Variants in MYO1E observed in about 807,000 individuals in gnomAD.
MYO1E encodes myosin IE.
In MYO1E, 68 loss-of-function variants were observed where a neutral mutation model predicts 151.1. The observed-to-expected ratio is 0.45, with a 90% CI of 0.37 to 0.55. MYO1E has a LOEUF of 0.55. MYO1E is among the 20% of genes least tolerant of loss of function. The pLI is 0.00. For synonymous variants in MYO1E, 601 were observed against 501.7 expected, an observed-to-expected ratio of 1.20 and a Z score of -2.64; for missense variants, 1,363 against 1,389.3, an observed-to-expected ratio of 0.98 and a Z score of 0.30.
intron 18 of MYO1E, among the ~76,000 whole-genome samples, chr15:59,181,065 G>C (rs1469242321): frequency 1.3e-5 from 2 of 152,064 alleles, no homozygotes; most frequent in Non-Finnish European, 2.9e-5. Flanking sequence ...TGGCACTTGA[G>C]ATTAAGGATG....
chr15:59,338,099 C>G (rs887649973), intron 1 of MYO1E, among the ~76,000 whole-genome samples: 1 of 151,178 alleles, frequency 6.6e-6, no homozygotes, highest in Non-Finnish European at 1.5e-5. Context: ...ATAGGTGTAA[C>G]TAAAGTGGCC....
chr15:59,342,905 C>T (rs2080773764), intron 1 of MYO1E, among the ~76,000 whole-genome samples: 1 of 152,138 alleles, frequency 6.6e-6, no homozygotes, highest in African/African-American at 2.4e-5. Flanking sequence ...CCAATAAAAA[C>T]TCTATAATTT....
chr15:59,346,970 A>G (rs1396440375), intron 1 of MYO1E, among the ~76,000 whole-genome samples: 2 of 151,980 alleles, frequency 1.3e-5, no homozygotes, highest in African/African-American at 4.8e-5. Context: ...AAGCATAAAG[A>G]TGAATGGAGG....
rs141475962 is a variant in MYO1E at position 59,276,583 on chromosome 15, C to T, written c.4-4134G>A. Among the ~76,000 whole-genome samples, 195 of 152,282 alleles carry T rather than the reference C, an allele frequency of 1.3e-3. 1 individual carries two copies. Among genetic ancestry groups the T allele is most frequent in the African/African-American group, 3.7e-3 (152 of 41,558 alleles). Reference sequence around the variant, plus strand: ...ATCCACATTCCGTTTCTAAGGATGACGTAGTTTATTAAAAAGCAGTTGATT... The same window carrying T: ...ATCCACATTCCGTTTCTAAGGATGATGTAGTTTATTAAAAAGCAGTTGATT... On this transcript the variant is annotated intron_variant, in intron 1 of 27. Transcript: ENST00000288235.
At chr15:59,351,518 T>C (rs2080823040) in intron 1 of MYO1E, among the ~76,000 whole-genome samples, 1 of 152,210 alleles carries the variant, frequency 6.6e-6, no homozygotes, top group Non-Finnish European at 1.5e-5. Flanking sequence ...CTTTAGACTG[T>C]TCCCAGTAGG....
intron 19 of MYO1E, 138 bp downstream of exon 19, chr15:59,178,255 G>A: frequency 1.9e-6 from 2 of 1,073,576 alleles, no homozygotes; most frequent in Non-Finnish European, 2.7e-6. Context: ...GACCAGGAAG[G>A]GAGGGAAGGC....
At chr15:59,335,589 C>A (rs1233230394) in intron 1 of MYO1E, among the ~76,000 whole-genome samples, 1 of 152,128 alleles carries the variant, frequency 6.6e-6, no homozygotes, top group Admixed American at 6.5e-5. Flanking sequence ...TACAAGAGAC[C>A]CGGCCAGGCT....
chr15:59,232,351 G>A (rs2080033420), intron 5 of MYO1E, among the ~76,000 whole-genome samples: 1 of 152,218 alleles, frequency 6.6e-6, no homozygotes, highest in Non-Finnish European at 1.5e-5. Flanking sequence ...GGACTTAGTA[G>A]GTTGGGGTAG....
chr15:59,224,150 AC>A (rs1349160669), intron 8 of MYO1E, among the ~76,000 whole-genome samples: 2 of 152,114 alleles, frequency 1.3e-5, no homozygotes, highest in Non-Finnish European at 2.9e-5. Context: ...CCAGGATGGA[AC>A]CCCTCCATAA....
At chr15:59,211,776 T>C (rs1216361747) in intron 12 of MYO1E, among the ~76,000 whole-genome samples, 1 of 152,160 alleles carries the variant, frequency 6.6e-6, no homozygotes, top group Non-Finnish European at 1.5e-5. Context: ...TATTGCTAAT[T>C]ATTTTGAGCA....
intron 1 of MYO1E, among the ~76,000 whole-genome samples, chr15:59,306,490 C>T (rs1220059292): frequency 6.6e-6 from 1 of 152,246 alleles, no homozygotes; most frequent in African/African-American, 2.4e-5. Context: ...CATTCACTCA[C>T]TCCTCATCCT....
At position 59,325,331 on chromosome 15, in the gene MYO1E, G is replaced by A. The variant is rs77716154; in HGVS notation, c.3+47167C>T. On this transcript the variant is annotated intron_variant, in intron 1 of 27. Transcript: ENST00000288235. The stretch of plus-strand genomic sequence containing the variant: ...ATTACAGGTGTGAGCCACAGTGCCC[G>A]GCCAATTGTCCTTTTTAGTTAGGGG... 3.6e-3 allele frequency among the ~76,000 whole-genome samples: 551 copies of A among 152,186 alleles called. 3 individuals carry two copies. Among genetic ancestry groups the A allele is most frequent in the African/African-American group, 0.01 (431 of 41,538 alleles).
chr15:59,299,651 C>T (rs537636297), intron 1 of MYO1E, among the ~76,000 whole-genome samples: 1 of 152,332 alleles, frequency 6.6e-6, no homozygotes, highest in South Asian at 2.1e-4. Context: ...AATATAAATG[C>T]AATTCACTCC....
chr15:59,209,601 G>A (rs554054411), intron 13 of MYO1E, among the ~76,000 whole-genome samples: 3 of 151,960 alleles, frequency 2.0e-5, no homozygotes, highest in Admixed American at 6.6e-5. Context: ...GCTTGAACCC[G>A]GGAGGTGGAG....
intron 22 of MYO1E, among the ~76,000 whole-genome samples, chr15:59,166,121 T>G (rs1685243028): frequency 6.6e-6 from 1 of 152,252 alleles, no homozygotes; most frequent in South Asian, 2.1e-4. Flanking sequence ...GAGATGTGTT[T>G]GGACACTTTG....
chr15:59,166,982 AT>A (rs1322304061), intron 22 of MYO1E, among the ~76,000 whole-genome samples: 2 of 152,228 alleles, frequency 1.3e-5, no homozygotes. Flanking sequence ...ACTGTGCCTC[AT>A]CCACCTTCGA....
chr15:59,372,400 C>G, intron 1 of MYO1E, 98 bp downstream of exon 1: 2 of 1,450,828 alleles, frequency 1.4e-6, no homozygotes, highest in Non-Finnish European at 1.9e-6. Flanking sequence ...CTTCTCCACC[C>G]CTGGCCCCGG....
At position 59,369,862 on chromosome 15, in the gene MYO1E, T is replaced by C. The variant is rs145064312; in HGVS notation, c.3+2636A>G. Among the ~76,000 whole-genome samples the C allele has an allele frequency of 8.3e-4, 127 of 152,262 alleles. 1 individual carries two copies. Among genetic ancestry groups the C allele is most frequent in the African/African-American group, 2.7e-3 (114 of 41,544 alleles). On this transcript the variant is annotated intron_variant, in intron 1 of 27. Coordinates refer to ENST00000288235, the MANE Select transcript of MYO1E (RefSeq NM_004998.4). ...GTACAGATGGAGAGCCCTCCTACTA[T>C]GCTACCAGACTTCCTAAAAGACACA...
intron 25 of MYO1E, among the ~76,000 whole-genome samples, chr15:59,155,515 T>C (rs908240466): frequency 1.3e-5 from 2 of 152,118 alleles, no homozygotes; most frequent in African/African-American, 4.8e-5. Context: ...GGAACTGTCA[T>C]TTAGAGAGTT....
Sources: gnomAD v4.1 joint callset for allele counts (sites outside exome capture counted in the v4.1 genomes callset) on GRCh38, gnomAD v4.1.1 for gene constraint, MANE v1.5 for transcripts, NCBI Gene and HGNC (gene_info 2026-07-23, HGNC 2026-07-21) for gene names.